The following IL1RAPL1 variants were observed in gnomAD, a reference collection of about 807,000 sequenced individuals.
The protein encoded by IL1RAPL1 is interleukin-1 receptor accessory protein-like 1.
Under a neutral mutation model 48.4 loss-of-function variants are expected in IL1RAPL1, and 3 were observed. That is an observed-to-expected ratio of 0.06 (90% CI 0.03 to 0.16). The LOEUF (loss-of-function observed/expected upper bound fraction) is 0.16. Among genes scored for constraint, IL1RAPL1 ranks in the 10% least tolerant of loss-of-function variants. The pLI is 1.00. For missense variants in IL1RAPL1, 349 were observed against 530.6 expected (o/e 0.66, Z 3.36); for synonymous variants, 185 against 187.7 (o/e 0.99, Z 0.12).
intron 2 of IL1RAPL1, among the ~76,000 whole-genome samples, chrX:29,011,303 T>TAGAC (rs1926117050): frequency 8.9e-6 from 1 of 112,180 alleles, no homozygotes; most frequent in East Asian, 2.8e-4. Flanking sequence ...CGAAAGCATA[T>TAGAC]GTCTATCCAG....
chrX:29,668,125 A>C (rs1332230602), intron 5 of IL1RAPL1, among the ~76,000 whole-genome samples: 1 of 112,301 alleles, frequency 8.9e-6, no homozygotes, highest in Non-Finnish European at 1.9e-5. Context: ...TAAAACAAAG[A>C]ACAAATTGAA....
At chrX:29,714,082 A>G (rs1239123338) in intron 6 of IL1RAPL1, among the ~76,000 whole-genome samples, 1 of 111,985 alleles carries the variant, frequency 8.9e-6, no homozygotes, top group Non-Finnish European at 1.9e-5. Flanking sequence ...AGCAACAGCT[A>G]TATGTCTGCC....
intron 6 of IL1RAPL1, among the ~76,000 whole-genome samples, chrX:29,738,211 A>G (rs1256659794): frequency 9.0e-6 from 1 of 111,038 alleles, no homozygotes; most frequent in African/African-American, 3.3e-5. Flanking sequence ...ACCTTCCTAG[A>G]CAAGATTTTT....
intron 5 of IL1RAPL1, among the ~76,000 whole-genome samples, chrX:29,464,110 T>G (rs1371035758): frequency 2.7e-5 from 3 of 112,763 alleles, no homozygotes; most frequent in Admixed American, 1.9e-4. Flanking sequence ...AATATATGTG[T>G]AATAGTAAAA....
intron 2 of IL1RAPL1, among the ~76,000 whole-genome samples, chrX:29,182,122 C>A (rs1176136316): frequency 1.8e-5 from 2 of 109,668 alleles, no homozygotes; most frequent in Non-Finnish European, 3.8e-5. Flanking sequence ...CCACCCCATG[C>A]CTTCCCTGAC....
intron 5 of IL1RAPL1, among the ~76,000 whole-genome samples, chrX:29,575,841 C>T (rs759823711): frequency 9.8e-5 from 11 of 111,959 alleles, no homozygotes; most frequent in African/African-American, 1.3e-4. Flanking sequence ...TGAACCTAAA[C>T]TGTGTCTCTG....
At chrX:29,600,257 T>G (rs1249500082) in intron 5 of IL1RAPL1, among the ~76,000 whole-genome samples, 2 of 111,990 alleles carry the variant, frequency 1.8e-5, no homozygotes, top group African/African-American at 6.5e-5. Context: ...GGAATAAAGC[T>G]TCCTGAGAGC....
intron 3 of IL1RAPL1, among the ~76,000 whole-genome samples, chrX:29,329,867 G>A (rs1401981354): frequency 9.2e-6 from 1 of 108,452 alleles, no homozygotes; most frequent in Non-Finnish European, 1.9e-5. Context: ...GCTGACCCTT[G>A]AAAACATTAT....
chrX:29,475,524 T>A (rs753148355), intron 5 of IL1RAPL1, among the ~76,000 whole-genome samples: 5 of 112,204 alleles, frequency 4.5e-5, no homozygotes, highest in Non-Finnish European at 9.4e-5. Flanking sequence ...TTATTTCTTT[T>A]ACTATAATCC....
Position 29,123,730 on chromosome X carries a change from C to G in IL1RAPL1, c.83-159208C>G, listed in dbSNP as rs182681770. The stretch of plus-strand genomic sequence containing the variant: ...AGATTTCCTCTGGAGCTGCACTGCC[C>G]AATATGGTAGCCACTGGCCCCATGT... On this transcript the variant is annotated intron_variant, in intron 2 of 10. Coordinates refer to ENST00000378993, the MANE Select transcript of IL1RAPL1 (RefSeq NM_014271.4). Among the ~76,000 whole-genome samples, 29 of 111,388 alleles carry G rather than the reference C, an allele frequency of 2.6e-4. No homozygotes were observed. The East Asian group carries it at 5.9e-3, about 23-fold the overall frequency.
intron 2 of IL1RAPL1, among the ~76,000 whole-genome samples, chrX:29,280,665 G>T (rs574587446): frequency 8.9e-6 from 1 of 112,137 alleles, no homozygotes; most frequent in Non-Finnish European, 1.9e-5. Flanking sequence ...AGGCACTGTG[G>T]CTAAAAAGGG....
chrX:29,776,171 C>T (rs1246949918), intron 6 of IL1RAPL1, among the ~76,000 whole-genome samples: 1 of 111,294 alleles, frequency 9.0e-6, no homozygotes, highest in Admixed American at 9.6e-5. Flanking sequence ...GAATAAGACG[C>T]GTCAGCTTTA....
At chrX:29,413,382 T>C (rs962614877) in intron 5 of IL1RAPL1, among the ~76,000 whole-genome samples, 12 of 111,519 alleles carry the variant, frequency 1.1e-4, no homozygotes, top group East Asian at 2.8e-4. Flanking sequence ...ACTTTAAGTT[T>C]TAGGGTACAT....
chrX:29,909,221 A>AAAT (rs1381351934), intron 6 of IL1RAPL1, among the ~76,000 whole-genome samples: 1 of 111,039 alleles, frequency 9.0e-6, no homozygotes, highest in African/African-American at 3.3e-5. Context: ...TTTAAAAATA[A>AAAT]AATAAAAAAT....
At chrX:29,793,090 A>G (rs906539292) in intron 6 of IL1RAPL1, among the ~76,000 whole-genome samples, 2 of 112,200 alleles carry the variant, frequency 1.8e-5, no homozygotes, top group African/African-American at 6.5e-5. Flanking sequence ...ACAGACCTCG[A>G]GTTCACCACA....
chrX:28,985,804 C>A (rs189332929), intron 2 of IL1RAPL1, among the ~76,000 whole-genome samples: 15 of 109,541 alleles, frequency 1.4e-4, no homozygotes, highest in African/African-American at 5.0e-4. Context: ...GGACTACAGG[C>A]GCCCGCCACC....
chrX:29,350,547 T>C (rs1188240375), intron 3 of IL1RAPL1, among the ~76,000 whole-genome samples: 1 of 106,693 alleles, frequency 9.4e-6, no homozygotes, highest in African/African-American at 3.4e-5. Flanking sequence ...GATCTGTGCA[T>C]GTTCAATTCA....
At chrX:29,299,091 G>T (rs1932494182) in intron 3 of IL1RAPL1, among the ~76,000 whole-genome samples, 1 of 109,990 alleles carries the variant, frequency 9.1e-6, no homozygotes, top group South Asian at 3.9e-4. Context: ...GACTAGACTG[G>T]CCTAGCCTCC....
intron 2 of IL1RAPL1, among the ~76,000 whole-genome samples, chrX:29,222,225 A>G (rs899238303): frequency 4.5e-5 from 5 of 111,547 alleles, no homozygotes; most frequent in African/African-American, 1.6e-4. Context: ...AATATTTGAA[A>G]GAATGTGCCA....
Sources: gnomAD v4.1 joint callset for allele counts (sites outside exome capture counted in the v4.1 genomes callset) on GRCh38, gnomAD v4.1.1 for gene constraint, MANE v1.5 for transcripts, NCBI Gene and HGNC (gene_info 2026-07-23, HGNC 2026-07-21) for gene names.